Variants in TRAF3IP2 observed in about 807,000 individuals in gnomAD.
TRAF3IP2 encodes the protein E3 ubiquitin ligase TRAF3IP2.
TRAF3IP2 carries 35 observed loss-of-function variants against 57.9 expected under a neutral mutation model. The observed-to-expected ratio is 0.60, with a 90% CI of 0.46 to 0.80. TRAF3IP2 has a LOEUF of 0.80. Among genes scored for constraint, TRAF3IP2 ranks in the 30% least tolerant of loss-of-function variants. The pLI, the probability that TRAF3IP2 is intolerant of heterozygous loss-of-function variation, is 0.00. For synonymous variants in TRAF3IP2, 251 were observed against 268.9 expected (o/e 0.93, Z 0.65); for missense variants, 556 against 706.4 (o/e 0.79, Z 2.41).
chr6:111,575,877 G>A (rs1645186194), intron 3 of TRAF3IP2, 56 bp from the exon 4 acceptor site: 1 of 1,524,694 alleles, frequency 6.6e-7, no homozygotes, highest in Non-Finnish European at 8.9e-7. Context: ...CAAACCTTCA[G>A]GGACAGAAAG....
intron 1 of TRAF3IP2, among the ~76,000 whole-genome samples, chr6:111,604,753 T>C (rs1796969834): frequency 6.6e-6 from 1 of 151,868 alleles, no homozygotes; most frequent in Non-Finnish European, 1.5e-5. Flanking sequence ...TTCTGGGAGG[T>C]AGAAAAATAT....
At chr6:111,599,047 G>GCAC (rs1583247890) in intron 1 of TRAF3IP2, among the ~76,000 whole-genome samples, 1 of 150,368 alleles carries the variant, frequency 6.7e-6, no homozygotes, top group South Asian at 2.1e-4. Flanking sequence ...CCACAGGCAT[G>GCAC]CACCACCACA....
chr6:111,572,194 A>T (rs565476773), intron 5 of TRAF3IP2, among the ~76,000 whole-genome samples: 1 of 152,306 alleles, frequency 6.6e-6, no homozygotes, highest in South Asian at 2.1e-4. Context: ...TATTTATCAT[A>T]GAGAAAAATT....
Position 111,599,128 on chromosome 6 carries a change from G to A in TRAF3IP2, c.-9+6648C>T, listed in dbSNP as rs187370426. Among the ~76,000 whole-genome samples the A allele has an allele frequency of 6.9e-4, 98 of 141,168 alleles. No homozygotes were observed. In the South Asian group the frequency reaches 8.4e-3, roughly 12 times the overall value. 92.6% of individuals were successfully genotyped at this position (141,168 alleles called of 152,430 possible). ...TCGCCATGTTGCCTAGGCTGGTCTCGAACTCCTGGGCTCAGGCAATCCTTC... is the reference window on the plus strand; with the variant it reads ...TCGCCATGTTGCCTAGGCTGGTCTCAAACTCCTGGGCTCAGGCAATCCTTC... On this transcript the variant is annotated intron_variant, in intron 1 of 8. Transcript: ENST00000368761.
intron 1 of TRAF3IP2, among the ~76,000 whole-genome samples, chr6:111,592,490 T>C (rs1270008837): frequency 6.6e-6 from 1 of 152,204 alleles, no homozygotes; most frequent in Non-Finnish European, 1.5e-5. Context: ...CTCTAAGATA[T>C]ATTGAGTTTT....
chr6:111,593,675 C>G (rs1796588746), intron 1 of TRAF3IP2, among the ~76,000 whole-genome samples: 1 of 152,164 alleles, frequency 6.6e-6, no homozygotes, highest in South Asian at 2.1e-4. Context: ...CTCCCTCCGT[C>G]TCTCCCTTTC....
At chr6:111,566,396 A>G (rs1471965326) in intron 7 of TRAF3IP2, 48 bp downstream of exon 7, 2 of 1,422,310 alleles carry the variant, frequency 1.4e-6, no homozygotes, top group African/African-American at 1.4e-5. Flanking sequence ...TGGACAAGGT[A>G]TCCATCCCCA....
At chr6:111,562,861 A>G (rs970509066) in intron 8 of TRAF3IP2, 104 bp downstream of exon 8, 1 of 922,056 alleles carries the variant, frequency 1.1e-6, no homozygotes. Flanking sequence ...AAAAAAAAAG[A>G]AAAGAAAGAA....
chr6:111,562,910 T>C, intron 8 of TRAF3IP2, 55 bp downstream of exon 8: 1 of 1,354,464 alleles, frequency 7.4e-7, no homozygotes, highest in Non-Finnish European at 1.0e-6. Flanking sequence ...AAATCCCAGA[T>C]GGCAAAGCAA....
chr6:111,604,638 T>G (rs1239153458), intron 1 of TRAF3IP2, among the ~76,000 whole-genome samples: 1 of 152,222 alleles, frequency 6.6e-6, no homozygotes, highest in Non-Finnish European at 1.5e-5. Flanking sequence ...TCGCCCTGAC[T>G]GCTGCTTTAC....
intron 2 of TRAF3IP2, among the ~76,000 whole-genome samples, chr6:111,587,544 T>G (rs1459244565): frequency 6.6e-6 from 1 of 152,164 alleles, no homozygotes; most frequent in Non-Finnish European, 1.5e-5. Context: ...TGTGAGCCAC[T>G]GCACCCGGCC....
At position 111,556,224 on chromosome 6, in the gene TRAF3IP2, G is replaced by T. The variant is rs1022927463; in HGVS notation, c.*3181C>A. Among the ~76,000 whole-genome samples the T allele has an allele frequency of 1.3e-5, 2 of 152,030 alleles. No homozygotes were observed. Among genetic ancestry groups the T allele is most frequent in the African/African-American group, 4.8e-5 (2 of 41,376 alleles). On this transcript the variant is annotated 3_prime_UTR_variant, in exon 9 of 9. Coordinates refer to ENST00000368761, the MANE Select transcript of TRAF3IP2 (RefSeq NM_147686.4). ...TGTGTGTATGTGTGCGTGTGTGTGT[G>T]TGTGTCTGTGTGTACTTTTTGGTTT...
intron 2 of TRAF3IP2, among the ~76,000 whole-genome samples, chr6:111,585,333 C>CAAAA: frequency 1.7e-5 from 1 of 57,568 alleles, no homozygotes; most frequent in African/African-American, 4.8e-5. Flanking sequence ...CCCTCCCAGG[C>CAAAA]CAAAAAAAAA....
chr6:111,584,828 T>C (rs1351597801), intron 2 of TRAF3IP2, among the ~76,000 whole-genome samples: 1 of 152,250 alleles, frequency 6.6e-6, no homozygotes, highest in East Asian at 1.9e-4. Flanking sequence ...TTGCTACATG[T>C]CAAGTACTGT....
At chr6:111,596,442 G>A (rs1024556406) in intron 1 of TRAF3IP2, among the ~76,000 whole-genome samples, 3 of 151,622 alleles carry the variant, frequency 2.0e-5, no homozygotes, top group Admixed American at 6.6e-5. Context: ...ACAGGCGCAC[G>A]CCATCATGCC....
At chr6:111,605,130 T>C (rs945442410) in intron 1 of TRAF3IP2, among the ~76,000 whole-genome samples, 1 of 152,078 alleles carries the variant, frequency 6.6e-6, no homozygotes, top group Non-Finnish European at 1.5e-5. Flanking sequence ...CATCTTGAAC[T>C]TGAAAGTCAC....
Position 111,591,570 on chromosome 6 carries a change from C to T in TRAF3IP2, c.517G>A (p.Gly173Ser), listed in dbSNP as rs750659136. Residue 173 changes from glycine (G) to serine (S), a missense_variant, in exon 2 of 9, where the codon GGT becomes AGT. Coordinates refer to ENST00000368761, the MANE Select transcript of TRAF3IP2 (RefSeq NM_147686.4). The surrounding 1 kb of genome is among the most constrained non-coding windows in gnomAD (Gnocchi z 4.9). Reference protein sequence around the residue: ...LPNASADSLGGSQEMVQRPQP... With the variant: ...LPNASADSLGSSQEMVQRPQP... ...GGCCGTTGCACCATCTCCTGGCTAC[C>T]GCCCAAGGAGTCTGCTGAGGCATTA... 3.1e-6 allele frequency: 5 copies of T among 1,614,212 alleles called. No individual in the cohort carries two copies. The highest frequency in any genetic ancestry group is 1.1e-5 in the South Asian group (1 of 91,080).
At chr6:111,562,844 C>CAAAA in intron 8 of TRAF3IP2, 121 bp downstream of exon 8, 1 of 599,046 alleles carries the variant, frequency 1.7e-6, no homozygotes, top group Non-Finnish European at 2.5e-6. Flanking sequence ...GACTCCATCT[C>CAAAA]AAAAAAAAAA....
intron 2 of TRAF3IP2, among the ~76,000 whole-genome samples, chr6:111,584,253 GTGTT>G (rs1418250632): frequency 6.6e-6 from 1 of 152,184 alleles, no homozygotes; most frequent in East Asian, 1.9e-4. Context: ...TGTGGGCTAA[GTGTT>G]TGATTAGCTG....
Sources: gnomAD v4.1 joint callset for allele counts (sites outside exome capture counted in the v4.1 genomes callset) on GRCh38, gnomAD v4.1.1 for gene constraint, Gnocchi (gnomAD v3.1) non-coding constraint, MANE v1.5 for transcripts, NCBI Gene and HGNC (gene_info 2026-07-23, HGNC 2026-07-21) for gene names.